LYRM4: variants seen among roughly 807,000 people sequenced by gnomAD.
The protein encoded by LYRM4 is LYR motif-containing protein 4.
LYRM4 carries 9 observed loss-of-function variants against 11.7 expected under a neutral mutation model. The ratio of observed to expected loss-of-function variants is 0.77; its 90% CI spans 0.46 to 1.34. The LOEUF is 1.34. Ranked by LOEUF, LYRM4 falls within the 40% of genes most tolerant of loss-of-function variation. The pLI is 0.00. For synonymous variants in LYRM4, 42 were observed against 40.4 expected, an observed-to-expected ratio of 1.04 and a Z score of -0.15; for missense variants, 133 against 112.5, an observed-to-expected ratio of 1.18 and a Z score of -0.82.
the LYRM4 span, among the ~76,000 whole-genome samples, chr6:5,068,255 A>T: frequency 6.6e-6 from 1 of 152,214 alleles, no homozygotes; most frequent in Non-Finnish European, 1.5e-5. This position sits in a 1 kb window ranked among gnomAD's most constrained non-coding sequence, Gnocchi z 4.0. Flanking sequence ...TGCGACATCA[A>T]CCATCGTCCG....
intron 1 of LYRM4, among the ~76,000 whole-genome samples, chr6:5,248,925 T>C (rs761585579): frequency 6.6e-6 from 1 of 152,214 alleles, no homozygotes; most frequent in Admixed American, 6.5e-5. Flanking sequence ...GAATGAAACA[T>C]CAAACAAGCA....
chr6:5,239,843 A>G (rs868058368), intron 1 of LYRM4, among the ~76,000 whole-genome samples: 2 of 152,000 alleles, frequency 1.3e-5, no homozygotes, highest in East Asian at 1.9e-4. Context: ...TTTCTGCTCT[A>G]TGAGGGTCCC....
intron 2 of LYRM4, among the ~76,000 whole-genome samples, chr6:5,184,315 A>T (rs1375063161): frequency 6.6e-6 from 1 of 152,226 alleles, no homozygotes; most frequent in Non-Finnish European, 1.5e-5. Flanking sequence ...TCAAAATTAT[A>T]ACTGGATAAC....
downstream of LYRM4, among the ~76,000 whole-genome samples, chr6:5,100,679 T>C (rs1041626002): frequency 6.6e-6 from 1 of 152,096 alleles, no homozygotes; most frequent in African/African-American, 2.4e-5. Flanking sequence ...ACACCCCCAA[T>C]GTCTCTACTG....
At chr6:5,065,948 C>A in the LYRM4 span, 1 of 240,996 alleles carries the variant, frequency 4.1e-6, no homozygotes. Flanking sequence ...TCCATTGCAC[C>A]AAGTGGAGTC....
intron 2 of LYRM4, among the ~76,000 whole-genome samples, chr6:5,151,866 A>G (rs1758108623): frequency 6.6e-6 from 1 of 152,158 alleles, no homozygotes. Flanking sequence ...AATAGAAGAT[A>G]AGTTTTTCCT....
chr6:5,102,375 CAT>C (rs1762531716), downstream of LYRM4, among the ~76,000 whole-genome samples: 1 of 152,166 alleles, frequency 6.6e-6, no homozygotes, highest in African/African-American at 2.4e-5. Context: ...GCAAATCACA[CAT>C]GTGCATGTAA....
rs112270188 is a variant in LYRM4, at chr6:5,144,506, G to A, written c.208-35015C>T. ...CAAAAAATTAGCCGGGCATGGCGGT[G>A]GGCGCCCGCAGTCCCAGCTACTTGG... On this transcript the variant is annotated intron_variant, in intron 2 of 2. Coordinates refer to ENST00000330636, the MANE Select transcript of LYRM4 (RefSeq NM_020408.6). Among the ~76,000 whole-genome samples the A allele has an allele frequency of 0.036, 5,409 of 151,638 alleles. 114 individuals are homozygous for A. Among genetic ancestry groups the A allele is most frequent in the Middle Eastern group, 0.086 (25 of 292 alleles).
chr6:5,168,815 G>A (rs1240065903), intron 2 of LYRM4, among the ~76,000 whole-genome samples: 1 of 152,150 alleles, frequency 6.6e-6, no homozygotes, highest in Non-Finnish European at 1.5e-5. Flanking sequence ...GGAGACGTAT[G>A]TTGAAGAATT....
chr6:5,198,489 A>G (rs1761201263), intron 2 of LYRM4, among the ~76,000 whole-genome samples: 1 of 152,200 alleles, frequency 6.6e-6, no homozygotes, highest in South Asian at 2.1e-4. Flanking sequence ...ATGAGGTACC[A>G]CAAAAGGCAA....
At chr6:5,072,529 T>C in the LYRM4 span, among the ~76,000 whole-genome samples, 1 of 152,090 alleles carries the variant, frequency 6.6e-6, no homozygotes, top group Non-Finnish European at 1.5e-5. Context: ...CTGACTGGTG[T>C]GAGATGATAT....
At chr6:5,195,474 A>T (rs1229765605) in intron 2 of LYRM4, among the ~76,000 whole-genome samples, 4 of 152,000 alleles carry the variant, frequency 2.6e-5, no homozygotes, top group Non-Finnish European at 5.9e-5. Flanking sequence ...AAACAAAAAA[A>T]ACCCCGACAA....
At chr6:5,129,138 A>T (rs1030489947) in intron 2 of LYRM4, among the ~76,000 whole-genome samples, 1 of 152,148 alleles carries the variant, frequency 6.6e-6, no homozygotes, top group Non-Finnish European at 1.5e-5. Context: ...TGATCTTCGG[A>T]CTGCGTCTAC....
chr6:5,245,105 AAAAAAAAAATATATATAT>A (rs1764093855), intron 1 of LYRM4, among the ~76,000 whole-genome samples: 5 of 56,782 alleles, frequency 8.8e-5, no homozygotes, highest in South Asian at 6.9e-4. Context: ...AAAAAAAAAA[AAAAAAAAAATATATATAT>A]ATATATATAT....
the LYRM4 span, chr6:5,088,472 T>A: frequency 6.6e-6 from 1 of 152,354 alleles, no homozygotes; most frequent in South Asian, 2.1e-4. Context: ...AAAATATATA[T>A]TTCAGTGTTC....
intron 1 of LYRM4, among the ~76,000 whole-genome samples, chr6:5,228,722 T>C (rs1453857452): frequency 6.6e-6 from 1 of 151,624 alleles, no homozygotes; most frequent in Non-Finnish European, 1.5e-5. Flanking sequence ...ATTTCCTGGC[T>C]GGGCGCAGTG....
the LYRM4 span, among the ~76,000 whole-genome samples, chr6:5,035,363 GC>G: frequency 4.0e-5 from 6 of 151,456 alleles, no homozygotes; most frequent in Non-Finnish European, 4.4e-5. Flanking sequence ...CCCCAGTGAT[GC>G]CCAGGAAGTC....
At chr6:5,221,598 C>T (rs1197817649) in intron 1 of LYRM4, among the ~76,000 whole-genome samples, 1 of 152,228 alleles carries the variant, frequency 6.6e-6, no homozygotes, top group African/African-American at 2.4e-5. Flanking sequence ...GAGGCTGAGA[C>T]AGGAGAACTG....
rs55728654 is a variant in LYRM4, at chr6:5,171,706, C to G, written c.207+44912G>C. On this transcript the variant is annotated intron_variant, in intron 2 of 2. Coordinates refer to ENST00000330636, the MANE Select transcript of LYRM4 (RefSeq NM_020408.6). ...AGTCTAACGTGCTGACAAAGCACCT[C>G]TTTCTGTGGCGAAAACCCTCATGAA... 3.3e-3 allele frequency among the ~76,000 whole-genome samples: 496 copies of G among 152,310 alleles called. 6 individuals carry two copies. The highest frequency in any genetic ancestry group is 0.011 in the African/African-American group (470 of 41,566).
Sources: gnomAD v4.1 joint callset for allele counts (sites outside exome capture counted in the v4.1 genomes callset) on GRCh38, gnomAD v4.1.1 for gene constraint, Gnocchi (gnomAD v3.1) non-coding constraint, MANE v1.5 for transcripts, NCBI Gene and HGNC (gene_info 2026-07-23, HGNC 2026-07-21) for gene names.